Variants in CELF2 observed in about 807,000 individuals in gnomAD.
The protein encoded by CELF2 is CUG triplet repeat RNA-binding protein 2.
A neutral mutation model predicts 62.6 loss-of-function variants in CELF2; 8 were observed. The ratio of observed to expected loss-of-function variants is 0.13; its 90% CI spans 0.07 to 0.23. The LOEUF (loss-of-function observed/expected upper bound fraction) is 0.23, where lower values mean the gene tolerates loss of function less well. Ranked by LOEUF, CELF2 falls within the 10% of genes least tolerant of loss-of-function variation. The pLI, the probability that CELF2 is intolerant of heterozygous loss-of-function variation, is 1.00. For synonymous variants in CELF2, 258 were observed against 250.0 expected (o/e 1.03, Z -0.30); for missense variants, 333 against 671.0 (o/e 0.50, Z 5.56).
At chr10:10,485,570 C>T in the CELF2 span, among the ~76,000 whole-genome samples, 6 of 152,328 alleles carry the variant, frequency 3.9e-5, no homozygotes, top group East Asian at 1.2e-3. Flanking sequence ...TGTCATTCCC[C>T]ATGCAGGGAG....
intron 2 of CELF2, among the ~76,000 whole-genome samples, chr10:10,987,641 T>C (rs1176786392): frequency 1.3e-5 from 2 of 152,176 alleles, no homozygotes; most frequent in Admixed American, 1.3e-4. Context: ...AATAAAAAGA[T>C]GTTTTAGTTT....
upstream of CELF2, among the ~76,000 whole-genome samples, chr10:11,003,690 C>G (rs574028532): frequency 6.6e-6 from 1 of 152,306 alleles, no homozygotes; most frequent in East Asian, 1.9e-4. The surrounding 1 kb of genome is among the most constrained non-coding windows in gnomAD (Gnocchi z 4.4). Flanking sequence ...AACTGTTTCT[C>G]CCTAAGATCT....
At chr10:10,787,348 A>G in the CELF2 span, among the ~76,000 whole-genome samples, 347 of 152,290 alleles carry the variant, frequency 2.3e-3, 2 homozygotes, top group African/African-American at 8.1e-3. Flanking sequence ...AGTTGTTTTT[A>G]TGCTATCAAC....
chr10:10,573,620 T>C, the CELF2 span, among the ~76,000 whole-genome samples: 5 of 152,186 alleles, frequency 3.3e-5, no homozygotes, highest in Non-Finnish European at 7.3e-5. Context: ...CTTACATTTT[T>C]ATTGTTTTTA....
At chr10:10,842,007 ATT>A (rs1286629056) in intron 1 of CELF2, among the ~76,000 whole-genome samples, 3 of 151,980 alleles carry the variant, frequency 2.0e-5, no homozygotes, top group Admixed American at 6.6e-5. Flanking sequence ...TCCTATAAAT[ATT>A]TTGTTAGGTT....
chr10:10,661,855 A>G, the CELF2 span, among the ~76,000 whole-genome samples: 1 of 152,192 alleles, frequency 6.6e-6, no homozygotes, highest in African/African-American at 2.4e-5. Context: ...GATGAATTTC[A>G]GCCTTATTCT....
intron 2 of CELF2, among the ~76,000 whole-genome samples, chr10:11,173,047 C>T (rs1245939224): frequency 6.6e-6 from 1 of 151,988 alleles, no homozygotes; most frequent in Non-Finnish European, 1.5e-5. Context: ...GCATTTGCCA[C>T]TGAGTGCATG....
At chr10:11,060,696 G>C (rs2066503202) in intron 1 of CELF2, among the ~76,000 whole-genome samples, 1 of 152,070 alleles carries the variant, frequency 6.6e-6, no homozygotes, top group Admixed American at 6.5e-5. Flanking sequence ...GAAATTGTCG[G>C]TGCCATTTCC....
chr10:10,926,721 T>C (rs2065505207), intron 2 of CELF2, among the ~76,000 whole-genome samples: 1 of 152,196 alleles, frequency 6.6e-6, no homozygotes, highest in East Asian at 1.9e-4. Context: ...TCTGGTATTC[T>C]CAGCCTTTGT....
intron 1 of CELF2, among the ~76,000 whole-genome samples, chr10:11,025,239 G>GTGTGTA (rs61580670): frequency 3.4e-4 from 48 of 141,088 alleles, no homozygotes; most frequent in Admixed American, 7.4e-4. Flanking sequence ...GTGTGTGTGT[G>GTGTGTA]TATATGTATG....
intron 1 of CELF2, among the ~76,000 whole-genome samples, chr10:11,085,112 G>T (rs1302367840): frequency 6.6e-6 from 1 of 152,136 alleles, no homozygotes; most frequent in Non-Finnish European, 1.5e-5. Context: ...TGAGAATATG[G>T]CAGTGATTTT....
chr10:10,977,573 A>G (rs1299018363), intron 2 of CELF2, among the ~76,000 whole-genome samples: 3 of 152,242 alleles, frequency 2.0e-5, no homozygotes, highest in African/African-American at 4.8e-5. Context: ...AAATGAGTCA[A>G]TTTAGATATT....
At chr10:10,482,813 G>C in the CELF2 span, among the ~76,000 whole-genome samples, 1 of 152,052 alleles carries the variant, frequency 6.6e-6, no homozygotes, top group East Asian at 1.9e-4. Context: ...ACACAGCAAG[G>C]CAATATTTCC....
At chr10:10,752,194 G>A in the CELF2 span, among the ~76,000 whole-genome samples, 1 of 152,192 alleles carries the variant, frequency 6.6e-6, no homozygotes, top group Non-Finnish European at 1.5e-5. Flanking sequence ...TCAGGCCTGG[G>A]ATCTGGTCCG....
At chr10:11,142,218 A>G (rs1438953885) in intron 1 of CELF2, among the ~76,000 whole-genome samples, 1 of 152,216 alleles carries the variant, frequency 6.6e-6, no homozygotes, top group East Asian at 1.9e-4. Flanking sequence ...ATGGGAGCAA[A>G]TTCTGATTTG....
chr10:10,959,961 C>A (rs1348997498), intron 2 of CELF2, among the ~76,000 whole-genome samples: 1 of 152,228 alleles, frequency 6.6e-6, no homozygotes, highest in Non-Finnish European at 1.5e-5. Flanking sequence ...CATCAACATG[C>A]TTTTATTCCA....
intron 1 of CELF2, among the ~76,000 whole-genome samples, chr10:11,132,152 T>C (rs1402352440): frequency 6.6e-6 from 1 of 152,270 alleles, no homozygotes; most frequent in Non-Finnish European, 1.5e-5. Flanking sequence ...ATGCGTTGTT[T>C]GTAACAATTT....
chr10:11,078,843 A>G (rs1446520089), intron 1 of CELF2, among the ~76,000 whole-genome samples: 2 of 152,168 alleles, frequency 1.3e-5, no homozygotes, highest in African/African-American at 2.4e-5. Context: ...TGATGGTGCT[A>G]TTGGGCACAT....
At chr10:10,565,299 C>T in the CELF2 span, among the ~76,000 whole-genome samples, 1 of 152,352 alleles carries the variant, frequency 6.6e-6, no homozygotes, top group South Asian at 2.1e-4. Context: ...GACCTGCTTT[C>T]CTAGTTATGT....
Sources: allele counts gnomAD v4.1 joint callset (sites outside exome capture counted in the v4.1 genomes callset), GRCh38; gene constraint gnomAD v4.1.1; non-coding constraint Gnocchi (gnomAD v3.1); transcripts MANE v1.5; gene names NCBI Gene and HGNC (gene_info 2026-07-23, HGNC 2026-07-21).